The following GPC6 variants were observed in gnomAD, a reference collection of about 807,000 sequenced individuals.
The protein encoded by GPC6 is glypican 6, also known as glypican-6.
GPC6 carries 14 observed loss-of-function variants against 55.2 expected under a neutral mutation model. The ratio of observed to expected loss-of-function variants is 0.25; its 90% confidence interval spans 0.17 to 0.40. The LOEUF (loss-of-function observed/expected upper bound fraction) is 0.40, where lower values mean the gene tolerates loss of function less well. GPC6 is among the 10% of genes least tolerant of loss of function. The probability of loss-of-function intolerance (pLI) is 1.00; values close to 1 mark genes in which losing one functional copy is unlikely to be tolerated. For missense variants in GPC6, 641 were observed against 708.5 expected (o/e 0.90, Z 1.08); for synonymous variants, 278 against 259.6 (o/e 1.07, Z -0.68).
At chr13:94,316,568 T>A (rs1876543254) in intron 6 of GPC6, among the ~76,000 whole-genome samples, 1 of 151,450 alleles carries the variant, frequency 6.6e-6, no homozygotes, top group Non-Finnish European at 1.5e-5. Flanking sequence ...ATACAAAAAA[T>A]TAGCCGGGCG....
chr13:94,310,846 C>T (rs1231119760), intron 6 of GPC6, among the ~76,000 whole-genome samples: 1 of 152,094 alleles, frequency 6.6e-6, no homozygotes, highest in Non-Finnish European at 1.5e-5. Flanking sequence ...AATGTTCAGA[C>T]GATGCGTAGT....
chr13:94,310,808 A>G (rs941995761), intron 6 of GPC6, among the ~76,000 whole-genome samples: 9 of 152,146 alleles, frequency 5.9e-5, no homozygotes, highest in Non-Finnish European at 8.8e-5. Flanking sequence ...AGACCAGCTC[A>G]TCGAATGGCT....
At chr13:93,717,263 A>G (rs957418456) in intron 2 of GPC6, among the ~76,000 whole-genome samples, 4 of 151,742 alleles carry the variant, frequency 2.6e-5, no homozygotes, top group African/African-American at 9.7e-5. Context: ...TAAAAGGTCC[A>G]GTTTACCTTC....
intron 4 of GPC6, among the ~76,000 whole-genome samples, chr13:94,073,182 G>A (rs1166558972): frequency 6.6e-6 from 1 of 152,124 alleles, no homozygotes; most frequent in East Asian, 1.9e-4. Flanking sequence ...ACTAAAAGAA[G>A]TAGTTTAGTA....
At chr13:93,717,559 T>C (rs1316534245) in intron 2 of GPC6, among the ~76,000 whole-genome samples, 1 of 151,698 alleles carries the variant, frequency 6.6e-6, no homozygotes, top group Non-Finnish European at 1.5e-5. Flanking sequence ...GGCATCTCTT[T>C]TATAACATGA....
intron 4 of GPC6, among the ~76,000 whole-genome samples, chr13:94,254,025 G>C (rs1385303998): frequency 6.6e-6 from 1 of 152,096 alleles, no homozygotes; most frequent in Non-Finnish European, 1.5e-5. Context: ...CATGAGTGCT[G>C]TTTCCTTCCC....
chr13:94,382,579 G>T (rs981348575), intron 7 of GPC6, 29 bp downstream of exon 7: 29 of 1,613,182 alleles, frequency 1.8e-5, no homozygotes, highest in Non-Finnish European at 2.5e-5. Flanking sequence ...GTGCATGGAT[G>T]GGGGCACAGC....
intron 2 of GPC6, among the ~76,000 whole-genome samples, chr13:93,716,399 A>G (rs1883256622): frequency 6.6e-6 from 1 of 151,554 alleles, no homozygotes; most frequent in South Asian, 2.1e-4. Flanking sequence ...CAGTGAGACA[A>G]GATGTGGAAG....
intron 4 of GPC6, among the ~76,000 whole-genome samples, chr13:94,047,843 C>T (rs548556271): frequency 6.6e-6 from 1 of 152,154 alleles, no homozygotes; most frequent in African/African-American, 2.4e-5. Flanking sequence ...CTAACCAAGC[C>T]TGTGAATTTA....
intron 4 of GPC6, among the ~76,000 whole-genome samples, chr13:94,166,021 G>A (rs934449801): frequency 2.6e-5 from 4 of 152,062 alleles, no homozygotes; most frequent in Admixed American, 2.6e-4. Context: ...AGTAGGGCAC[G>A]TTAAATTTCT....
At chr13:93,866,088 G>A (rs1250315977) in intron 3 of GPC6, among the ~76,000 whole-genome samples, 1 of 151,672 alleles carries the variant, frequency 6.6e-6, no homozygotes, top group African/African-American at 2.4e-5. Context: ...AAAGAGTGGT[G>A]GACTCTGCAA....
At chr13:93,652,757 C>T (rs1566469920) in intron 2 of GPC6, among the ~76,000 whole-genome samples, 1 of 152,072 alleles carries the variant, frequency 6.6e-6, no homozygotes, top group Non-Finnish European at 1.5e-5. Flanking sequence ...GATAGGTAGG[C>T]AATAAATAAA....
chr13:94,175,951 TATATAG>T (rs535254330), intron 4 of GPC6, among the ~76,000 whole-genome samples: 1,348 of 95,866 alleles, frequency 0.014, 23 homozygotes, highest in African/African-American at 0.04. Flanking sequence ...TATATATATA[TATATAG>T]AGAGAGAGAG....
At position 93,227,107 on chromosome 13, in the gene GPC6, G is replaced by A. The variant is rs1875813461; in HGVS notation, c.-350G>A. The A allele has an allele frequency of 5.6e-6, 1 of 179,064 alleles. No individual in the cohort carries two copies. Among genetic ancestry groups the A allele is most frequent in the Non-Finnish European group, 1.2e-5 (1 of 85,426 alleles). The allele number at this position is 179,064 out of a possible 1,614,324, so 11.1% of individuals were successfully genotyped here. A position where few individuals can be genotyped will look rare whatever the true frequency, so the allele number is the denominator to read the frequency against. Reference sequence around the variant, plus strand: ...CGAGCCCGCAGCGCTCCAGGATTCTGCGGCTCGGAACTCGGATTGCAGCTC... The same window carrying A: ...CGAGCCCGCAGCGCTCCAGGATTCTACGGCTCGGAACTCGGATTGCAGCTC... On this transcript the variant is annotated 5_prime_UTR_variant, in exon 1 of 9. Coordinates refer to ENST00000377047, the MANE Select transcript of GPC6 (RefSeq NM_005708.5). The surrounding 1 kb of genome is among the most constrained non-coding windows in gnomAD (Gnocchi z 4.3).
At chr13:94,241,058 G>A (rs1337192581) in intron 4 of GPC6, among the ~76,000 whole-genome samples, 1 of 152,170 alleles carries the variant, frequency 6.6e-6, no homozygotes, top group Non-Finnish European at 1.5e-5. Flanking sequence ...CTTTTGAGAT[G>A]TAATTAGGTT....
intron 1 of GPC6, among the ~76,000 whole-genome samples, chr13:93,502,577 T>A (rs1445596394): frequency 6.6e-6 from 1 of 152,164 alleles, no homozygotes; most frequent in Non-Finnish European, 1.5e-5. Context: ...ATCAGTGATG[T>A]GAGTAACTGC....
chr13:93,569,596 C>A (rs1384665327), intron 2 of GPC6, among the ~76,000 whole-genome samples: 1 of 151,878 alleles, frequency 6.6e-6, no homozygotes, highest in Non-Finnish European at 1.5e-5. Context: ...GGTTGTAGGT[C>A]ACTGTCCTAG....
chr13:93,428,143 T>C (rs1877219409), intron 1 of GPC6, among the ~76,000 whole-genome samples: 1 of 151,466 alleles, frequency 6.6e-6, no homozygotes, highest in Non-Finnish European at 1.5e-5. Context: ...ACATTTTTTA[T>C]GTGAAGATTT....
At chr13:94,389,961 G>A (rs968496934) in intron 7 of GPC6, among the ~76,000 whole-genome samples, 1 of 152,198 alleles carries the variant, frequency 6.6e-6, no homozygotes, top group Non-Finnish European at 1.5e-5. Context: ...GCTTTTGCAG[G>A]GAGCCCCTGC....
Sources: gnomAD v4.1 joint callset for allele counts (sites outside exome capture counted in the v4.1 genomes callset) on GRCh38, gnomAD v4.1.1 for gene constraint, Gnocchi (gnomAD v3.1) non-coding constraint, MANE v1.5 for transcripts, NCBI Gene and HGNC (gene_info 2026-07-23, HGNC 2026-07-21) for gene names.